The following SRP54 variants were observed in gnomAD, a reference collection of about 807,000 sequenced individuals.
The protein encoded by SRP54 is signal recognition particle subunit SRP54.
In SRP54, 10 loss-of-function variants were observed where a neutral mutation model predicts 64.8. The ratio of observed to expected loss-of-function variants is 0.15; its 90% CI spans 0.10 to 0.26. SRP54 has a LOEUF of 0.26. Ranked by LOEUF, SRP54 falls within the 10% of genes least tolerant of loss-of-function variation. The pLI is 1.00. For synonymous variants in SRP54, 193 were observed against 185.6 expected (o/e 1.04, Z -0.32); for missense variants, 325 against 613.7 (o/e 0.53, Z 4.97).
chr14:35,007,687 ACATAAAATAGATTT>A (rs2044285596), intron 5 of SRP54, among the ~76,000 whole-genome samples: 10 of 124,974 alleles, frequency 8.0e-5, no homozygotes, highest in South Asian at 2.4e-4. Context: ...AAATATATTT[ACATAAAATAGATTT>A]TATTAAAATA....
chr14:34,995,937 C>T (rs2044065369), intron 1 of SRP54, among the ~76,000 whole-genome samples: 1 of 152,028 alleles, frequency 6.6e-6, no homozygotes, highest in Non-Finnish European at 1.5e-5. Context: ...TGGTGGCATG[C>T]ACCTGTGGTC....
In SRP54 at chr14:35,029,212, T is replaced by C. The variant is rs2044684451; in HGVS notation, c.*60T>C. The C allele has an allele frequency of 7.4e-7, 1 of 1,346,160 alleles. No homozygotes were observed. The highest frequency in any genetic ancestry group is 1.9e-4 in the Middle Eastern group (1 of 5,400). The allele number at this position is 1,346,160 out of a possible 1,614,324, so 83.4% of individuals were successfully genotyped here. On this transcript the variant is annotated 3_prime_UTR_variant, in exon 16 of 16. Coordinates refer to ENST00000216774, the MANE Select transcript of SRP54 (RefSeq NM_003136.4). ...TACCTAATTTGCTGAGACCTCAGCG[T>C]TTCCCTTCTTTTTGCGAATTGGGGG...
rs753280830 is a variant in SRP54, at chr14:35,007,382, T to G, written c.355T>G (p.Ser119Ala). Residue 119 changes from serine (S) to alanine (A), a missense_variant, in exon 5 of 16, where the codon TCA becomes GCA. Around this residue, in one of 3 missense-constraint regions of SRP54, gnomAD observed 156 missense variants for 254.6 expected, o/e 0.61. Coordinates refer to ENST00000216774, the MANE Select transcript of SRP54 (RefSeq NM_003136.4). ...LQGSGKTTTC[S>A]KLAYYYQRKG... ...AGGGAGTGGTAAAACAACAACATGT[T>G]CAAAGGTAAATTGAACTTAATTTAA... The G allele has an allele frequency of 3.2e-6, 5 of 1,567,406 alleles. No homozygotes were observed. The highest frequency in any genetic ancestry group is 4.3e-6 in the Non-Finnish European group (5 of 1,150,646).
At chr14:35,013,968 G>C (rs890174944) in intron 10 of SRP54, 66 bp downstream of exon 10, 27 of 1,162,010 alleles carry the variant, frequency 2.3e-5, no homozygotes, top group Non-Finnish European at 3.2e-5. Context: ...GGACAAAATA[G>C]GATTTTAATT....
chr14:35,020,100 G>A (rs533261591), intron 13 of SRP54, among the ~76,000 whole-genome samples: 5 of 152,250 alleles, frequency 3.3e-5, no homozygotes, highest in African/African-American at 4.8e-5. Flanking sequence ...CAGGAGAATC[G>A]CTTGAACCCG....
At chr14:34,987,381 C>T (rs1442001248) in intron 1 of SRP54, among the ~76,000 whole-genome samples, 1 of 150,880 alleles carries the variant, frequency 6.6e-6, no homozygotes, top group African/African-American at 2.4e-5. Context: ...TCACCATAAT[C>T]AATTTTCGTA....
chr14:34,992,505 A>G (rs577974258), intron 1 of SRP54, among the ~76,000 whole-genome samples: 1 of 152,320 alleles, frequency 6.6e-6, no homozygotes, highest in Non-Finnish European at 1.5e-5. Context: ...TGGATGGAGC[A>G]GGAGGCCATT....
Position 35,018,762 on chromosome 14 carries a change from C to A in SRP54, c.1044C>A (p.Ile348=). 1 of 1,612,428 alleles carries A rather than the reference C, an allele frequency of 6.2e-7. No homozygotes were observed. The highest frequency in any genetic ancestry group is 1.1e-5 in the South Asian group (1 of 90,638). ...NIMKMGPFSQ[I]LGMIPGFGTD... The stretch of plus-strand genomic sequence containing the variant: ...TGAAAATGGGCCCCTTCAGTCAGAT[C>A]TTGGTTAGTTATCCTTAAAACTTTA... Residue 348 remains isoleucine (I), a synonymous_variant, in exon 12 of 16, where the codon ATC becomes ATA. Transcript: ENST00000216774.
In SRP54 at chr14:35,029,189, C is replaced by T. The variant is rs745445910; in HGVS notation, c.*37C>T. 2 of 1,550,954 alleles carry T rather than the reference C, an allele frequency of 1.3e-6. No individual in the cohort carries two copies. The highest frequency in any genetic ancestry group is 1.8e-6 in the Non-Finnish European group (2 of 1,130,004). On this transcript the variant is annotated 3_prime_UTR_variant, in exon 16 of 16. Coordinates refer to ENST00000216774, the MANE Select transcript of SRP54 (RefSeq NM_003136.4). ...TAATATAAACTGACTCAGTTGAATA[C>T]CTAATTTGCTGAGACCTCAGCGTTT...
chr14:34,998,973 A>ATGTGTGTGTG lies in SRP54; in HGVS notation c.79-554_79-545dup, dbSNP rs34646567. 2.2e-4 allele frequency among the ~76,000 whole-genome samples: 14 copies of ATGTGTGTGTG among 63,696 alleles called. No homozygotes were observed. The East Asian group carries it at 4.0e-3, about 18-fold the overall frequency. 41.8% of individuals were successfully genotyped at this position (63,696 alleles called of 152,430 possible). On this transcript the variant is annotated intron_variant, in intron 2 of 15. Transcript: ENST00000216774. ...TTGTCTTTATTATTACTTTGTGTGTATGTGTGTGTGTGTGTGTGTGTGTGT... is the reference window on the plus strand; with the variant it reads ...TTGTCTTTATTATTACTTTGTGTGTATGTGTGTGTGTGTGTGTGTGTGTGTGTGTGTGTGT...
chr14:35,000,446 A>G (rs1446291243), intron 3 of SRP54, among the ~76,000 whole-genome samples: 2 of 152,066 alleles, frequency 1.3e-5, no homozygotes, highest in Non-Finnish European at 2.9e-5. Context: ...ACACGCCTGT[A>G]ATCCCAGCTA....
At chr14:35,007,882 T>C (rs1439451722) in intron 5 of SRP54, among the ~76,000 whole-genome samples, 1 of 151,434 alleles carries the variant, frequency 6.6e-6, no homozygotes, top group African/African-American at 2.4e-5. Context: ...TAGTTTTTTT[T>C]AGGATAAGAG....
intron 15 of SRP54, among the ~76,000 whole-genome samples, chr14:35,028,494 T>C (rs1216137514): frequency 6.6e-6 from 1 of 152,238 alleles, no homozygotes; most frequent in Non-Finnish European, 1.5e-5. Flanking sequence ...ATTTTTAACC[T>C]GAGTTCTACT....
intron 4 of SRP54, among the ~76,000 whole-genome samples, chr14:35,004,304 A>T (rs1250379104): frequency 6.6e-6 from 1 of 152,218 alleles, no homozygotes; most frequent in Non-Finnish European, 1.5e-5. Context: ...TGAGTTTGAC[A>T]GTATCCCAGT....
intron 7 of SRP54, among the ~76,000 whole-genome samples, chr14:35,009,897 C>T (rs1040054589): frequency 7.9e-5 from 12 of 151,872 alleles, no homozygotes; most frequent in East Asian, 3.9e-4. Flanking sequence ...TCAGGCTGGG[C>T]GCACCACGTT....
intron 1 of SRP54, among the ~76,000 whole-genome samples, chr14:34,996,388 C>G (rs984987296): frequency 6.6e-6 from 1 of 152,056 alleles, no homozygotes; most frequent in Admixed American, 6.6e-5. Context: ...AAAAAAAGAA[C>G]ATATTTAATG....
intron 14 of SRP54, among the ~76,000 whole-genome samples, chr14:35,024,675 C>A (rs78510688): frequency 8.7e-6 from 1 of 114,448 alleles, no homozygotes; most frequent in Non-Finnish European, 1.9e-5. Context: ...TTTTTTTTTT[C>A]TTTACAGAGG....
intron 8 of SRP54, among the ~76,000 whole-genome samples, chr14:35,011,940 C>T (rs1004758012): frequency 2.0e-5 from 3 of 151,920 alleles, no homozygotes; most frequent in East Asian, 1.9e-4. Flanking sequence ...GTAATTAGGC[C>T]GGGTATGGTG....
intron 11 of SRP54, among the ~76,000 whole-genome samples, chr14:35,017,724 C>CT (rs1274107011): frequency 6.6e-6 from 1 of 152,100 alleles, no homozygotes; most frequent in Non-Finnish European, 1.5e-5. Flanking sequence ...GGATACCTTT[C>CT]TTTTTTTGAC....
Sources: gnomAD v4.1 joint callset for allele counts (sites outside exome capture counted in the v4.1 genomes callset) on GRCh38, gnomAD v4.1.1 for gene constraint, gnomAD v4.1.1 regional missense constraint, MANE v1.5 for transcripts, NCBI Gene and HGNC (gene_info 2026-07-23, HGNC 2026-07-21) for gene names.